The following CACNA1E variants were observed in gnomAD, a reference collection of about 807,000 sequenced individuals.
CACNA1E encodes calcium voltage-gated channel subunit alpha1 E.
Under a neutral mutation model 259.2 loss-of-function variants are expected in CACNA1E, and 40 were observed. That is an observed-to-expected ratio of 0.15 (90% CI 0.12 to 0.20). The LOEUF is 0.20. CACNA1E is among the 10% of genes least tolerant of loss of function. The pLI is 1.00. For synonymous variants in CACNA1E, 1,104 were observed against 1,138.5 expected, an observed-to-expected ratio of 0.97 and a Z score of 0.61; for missense variants, 1,874 against 3,040.1, an observed-to-expected ratio of 0.62 and a Z score of 9.02.
intron 6 of CACNA1E, among the ~76,000 whole-genome samples, chr1:181,585,456 G>C (rs1219979783): frequency 6.6e-6 from 1 of 152,206 alleles, no homozygotes; most frequent in Non-Finnish European, 1.5e-5. Flanking sequence ...TGATACAGTA[G>C]AGAGTAAAAC....
chr1:181,778,267 C>T (rs1660130851), intron 38 of CACNA1E, among the ~76,000 whole-genome samples: 1 of 152,212 alleles, frequency 6.6e-6, no homozygotes, highest in African/African-American at 2.4e-5. Flanking sequence ...TCTATAGCCA[C>T]TCCCAACCCA....
intron 7 of CACNA1E, among the ~76,000 whole-genome samples, chr1:181,652,414 C>A (rs1658836259): frequency 6.6e-6 from 1 of 152,104 alleles, no homozygotes; most frequent in Non-Finnish European, 1.5e-5. Context: ...TCTTGAAACT[C>A]CACTAACACA....
At chr1:181,435,472 C>T (rs987416055) in intron 2 of CACNA1E, among the ~76,000 whole-genome samples, 4 of 152,198 alleles carry the variant, frequency 2.6e-5, no homozygotes. Context: ...ATAGAATGTT[C>T]CTTCTATCTA....
intron 7 of CACNA1E, among the ~76,000 whole-genome samples, chr1:181,666,297 ATGTTGAGCTTC>A (rs1648216024): frequency 1.3e-5 from 2 of 152,274 alleles, no homozygotes; most frequent in Admixed American, 1.3e-4. Context: ...TTTTCAATAG[ATGTTGAGCTTC>A]TGTGTGCCAG....
intron 7 of CACNA1E, among the ~76,000 whole-genome samples, chr1:181,662,809 C>A (rs760153714): frequency 6.6e-6 from 1 of 152,208 alleles, no homozygotes; most frequent in Non-Finnish European, 1.5e-5. Flanking sequence ...AGCTGACCAT[C>A]CATGGCACCC....
chr1:181,565,451 A>G (rs115130630), intron 3 of CACNA1E, among the ~76,000 whole-genome samples: 1,614 of 152,316 alleles, frequency 0.011, 15 homozygotes, highest in Non-Finnish European at 0.017. Context: ...TGGAAGAGAA[A>G]ACATGGATAG....
At chr1:181,351,956 A>G (rs548011837) in intron 1 of CACNA1E, among the ~76,000 whole-genome samples, 2 of 152,272 alleles carry the variant, frequency 1.3e-5, no homozygotes, top group Admixed American at 6.5e-5. Flanking sequence ...GAGATGATAA[A>G]AGGAAGAGGA....
chr1:181,568,334 A>G (rs994212137), intron 3 of CACNA1E, among the ~76,000 whole-genome samples: 9 of 152,196 alleles, frequency 5.9e-5, no homozygotes, highest in Non-Finnish European at 8.8e-5. Context: ...AGAAAGTAGC[A>G]TTAGTTTAGG....
Position 181,483,849 on chromosome 1 carries a change from G to C in CACNA1E, c.105G>C (p.Gln35His), listed in dbSNP as rs768935172. The C allele has an allele frequency of 3.1e-6, 5 of 1,613,754 alleles. No individual in the cohort carries two copies. In the South Asian group the frequency reaches 5.5e-5, roughly 18 times the overall value. ...GAACCCCCGTGCCGGCCTCGGGGCA[G>C]GCGGCCGCCTACAAGCAGACGAAAG... ...RQGTPVPASG[Q>H]AAAYKQTKAQ... Residue 35 changes from glutamine (Q) to histidine (H), a missense_variant, in exon 1 of 48, where the codon CAG (glutamine) becomes CAC (histidine). By Grantham distance (24) the Gln-to-His change is conservative. This residue lies in a region of CACNA1E where 110 missense variants were observed against 122.8 expected (regional missense o/e 0.90). Coordinates refer to ENST00000367573, the MANE Select transcript of CACNA1E (RefSeq NM_001205293.3).
chr1:181,770,879 A>T (rs1289453183), intron 35 of CACNA1E, among the ~76,000 whole-genome samples: 1 of 152,138 alleles, frequency 6.6e-6, no homozygotes, highest in Non-Finnish European at 1.5e-5. Context: ...TGCTCCCATC[A>T]TGACTACCTG....
At chr1:181,441,573 G>T (rs6424810) in intron 2 of CACNA1E, among the ~76,000 whole-genome samples, 59,915 of 152,104 alleles carry the variant, frequency 0.39, 12,077 homozygotes, top group African/African-American at 0.44. Context: ...TTCCAAGTTT[G>T]CTCTGTCATC....
chr1:181,797,033 C>A (rs553316755), intron 47 of CACNA1E, among the ~76,000 whole-genome samples, 175 bp downstream of exon 47: 4 of 152,342 alleles, frequency 2.6e-5, no homozygotes, highest in Non-Finnish European at 4.4e-5. Context: ...CTTGTGTACT[C>A]AGAGATGATC....
chr1:181,749,265 A>C (rs989019267), intron 25 of CACNA1E, among the ~76,000 whole-genome samples: 5 of 152,232 alleles, frequency 3.3e-5, no homozygotes, highest in Admixed American at 3.3e-4. Context: ...AATTATGAGC[A>C]CTTCTTCTTA....
intron 1 of CACNA1E, among the ~76,000 whole-genome samples, chr1:181,386,974 CTT>C (rs1404582545): frequency 6.6e-6 from 1 of 152,160 alleles, no homozygotes; most frequent in Non-Finnish European, 1.5e-5. Flanking sequence ...CATTGAATAA[CTT>C]TTGTTCGATT....
chr1:181,610,628 T>C (rs1003598258), intron 6 of CACNA1E, among the ~76,000 whole-genome samples: 3 of 152,172 alleles, frequency 2.0e-5, no homozygotes, highest in African/African-American at 7.2e-5. Context: ...TCATCTAAGG[T>C]CTTATTTGCA....
intron 1 of CACNA1E, among the ~76,000 whole-genome samples, chr1:181,497,832 A>G (rs1321104473): frequency 6.6e-6 from 1 of 152,204 alleles, no homozygotes; most frequent in African/African-American, 2.4e-5. Context: ...TGAAGGAGTG[A>G]AGGATCAGTA....
intron 6 of CACNA1E, among the ~76,000 whole-genome samples, chr1:181,582,880 G>C (rs1276115575): frequency 6.6e-6 from 1 of 152,326 alleles, no homozygotes; most frequent in Middle Eastern, 3.4e-3. Context: ...AGGAGGGAAG[G>C]AGGGAGGGGA....
At chr1:181,377,165 A>C (rs926997679) in intron 1 of CACNA1E, among the ~76,000 whole-genome samples, 9 of 152,246 alleles carry the variant, frequency 5.9e-5, no homozygotes, top group Admixed American at 2.6e-4. Flanking sequence ...TTGTTACCAA[A>C]GGAGTTGAGA....
At chr1:181,565,605 A>G (rs1258359453) in intron 3 of CACNA1E, among the ~76,000 whole-genome samples, 2 of 152,218 alleles carry the variant, frequency 1.3e-5, no homozygotes, top group Non-Finnish European at 2.9e-5. Context: ...GCCATGTAAG[A>G]GCACTGAAAT....
Sources: gnomAD v4.1 joint callset for allele counts (sites outside exome capture counted in the v4.1 genomes callset) on GRCh38, gnomAD v4.1.1 for gene constraint, gnomAD v4.1.1 regional missense constraint, MANE v1.5 for transcripts, NCBI Gene and HGNC (gene_info 2026-07-23, HGNC 2026-07-21) for gene names.